GLB1: variants seen among roughly 807,000 people sequenced by gnomAD.
GLB1 encodes beta-galactosidase.
GLB1 carries 56 observed loss-of-function variants against 74.0 expected under a neutral mutation model. That is an observed-to-expected ratio of 0.76 (90% CI 0.61 to 0.94). The LOEUF (loss-of-function observed/expected upper bound fraction) is 0.94. Ranked by LOEUF, GLB1 falls within the 40% of genes least tolerant of loss-of-function variation. GLB1 has a pLI of 0.00. For missense variants in GLB1, 787 were observed against 845.5 expected (o/e 0.93, Z 0.86); for synonymous variants, 323 against 323.6 (o/e 1.00, Z 0.02).
At chr3:33,003,438 C>T (rs1273883508) in intron 15 of GLB1, among the ~76,000 whole-genome samples, 2 of 152,208 alleles carry the variant, frequency 1.3e-5, no homozygotes, top group Non-Finnish European at 2.9e-5. Flanking sequence ...GACCTTCTTT[C>T]ACTTCTAGCC....
chr3:33,040,534 C>T (rs1221177599), intron 10 of GLB1, among the ~76,000 whole-genome samples: 1 of 152,076 alleles, frequency 6.6e-6, no homozygotes, highest in African/African-American at 2.4e-5. Flanking sequence ...ATCACTTGAG[C>T]CCGGGAGGTT....
chr3:32,965,436 G>A, the GLB1 span, among the ~76,000 whole-genome samples: 1 of 152,096 alleles, frequency 6.6e-6, no homozygotes, highest in Admixed American at 6.5e-5. Flanking sequence ...TTTGCTCCTG[G>A]CCTAGAGATC....
At chr3:32,978,462 A>G in the GLB1 span, among the ~76,000 whole-genome samples, 1 of 152,184 alleles carries the variant, frequency 6.6e-6, no homozygotes, top group Non-Finnish European at 1.5e-5. Flanking sequence ...CTCCTGTAGC[A>G]GAGGGATTCA....
intron 1 of GLB1, among the ~76,000 whole-genome samples, chr3:33,078,313 G>C (rs1241224436): frequency 6.6e-6 from 1 of 152,172 alleles, no homozygotes; most frequent in African/African-American, 2.4e-5. Context: ...TAGTGAAATG[G>C]ATTTAAGCTA....
intron 2 of GLB1, among the ~76,000 whole-genome samples, chr3:33,072,098 C>A (rs766688850): frequency 6.6e-6 from 1 of 152,200 alleles, no homozygotes; most frequent in African/African-American, 2.4e-5. Flanking sequence ...TACAGCCATA[C>A]CTGTGCTACA....
intron 10 of GLB1, among the ~76,000 whole-genome samples, chr3:33,028,942 C>A (rs924427212): frequency 6.6e-6 from 1 of 152,150 alleles, no homozygotes; most frequent in Non-Finnish European, 1.5e-5. Flanking sequence ...GGATTACAGG[C>A]GTGAGCCACT....
chr3:33,003,833 C>T (rs939851102), intron 15 of GLB1, among the ~76,000 whole-genome samples: 11 of 152,112 alleles, frequency 7.2e-5, no homozygotes, highest in Non-Finnish European at 4.4e-5. Context: ...AGTTCCAGAC[C>T]AGCCTGGCCT....
Position 33,096,545 on chromosome 3 carries a change from C to T in GLB1, c.75+466G>A, listed in dbSNP as rs546628829. On this transcript the variant is annotated intron_variant, in intron 1 of 15. Transcript: ENST00000307363. ...GAGAGCACCCAGAGGGGAAATAACC[C>T]AATGTTCCCACTGCAAGGGCCTCTC... The T allele has an allele frequency of 4.2e-5, 41 of 984,836 alleles. No homozygotes were observed. The East Asian group carries it at 1.0e-3, about 25-fold the overall frequency. The allele number at this position is 984,836 out of a possible 1,614,324, so 61.0% of individuals were successfully genotyped here. A position where few individuals can be genotyped will look rare whatever the true frequency, so the allele number is the denominator to read the frequency against.
At chr3:33,024,213 C>T (rs1697632471) in intron 11 of GLB1, 38 bp downstream of exon 11, 3 of 1,577,678 alleles carry the variant, frequency 1.9e-6, no homozygotes, top group Non-Finnish European at 2.6e-6. Flanking sequence ...TCACTCCCAT[C>T]TCTCACTTTC....
intron 15 of GLB1, among the ~76,000 whole-genome samples, chr3:33,000,546 G>A (rs1696514749): frequency 6.6e-6 from 1 of 152,148 alleles, no homozygotes; most frequent in South Asian, 2.1e-4. Context: ...GGTCAATATG[G>A]TGAAACCCTG....
rs1699089793 is a variant in GLB1, at chr3:33,053,568, A to G, written c.734-19T>C. The G allele has an allele frequency of 1.2e-6, 2 of 1,614,014 alleles. No homozygotes were observed. Among genetic ancestry groups the G allele is most frequent in the African/African-American group, 1.3e-5 (1 of 74,918 alleles). ...TTGCTGCCTGAAAATTGTAAGAGGG[A>G]GAAGGTAGGTCAGTCGTGGAAATGA... On this transcript the variant is annotated intron_variant, in intron 6 of 15. Coordinates refer to ENST00000307363, the MANE Select transcript of GLB1 (RefSeq NM_000404.4).
chr3:32,994,920 CAAAAAAAAA>C (rs56169200), downstream of GLB1, among the ~76,000 whole-genome samples: 58 of 115,770 alleles, frequency 5.0e-4, no homozygotes, highest in African/African-American at 1.8e-3. Flanking sequence ...GACTCTGTTT[CAAAAAAAAA>C]AAAAAAAAAA....
intron 10 of GLB1, among the ~76,000 whole-genome samples, chr3:33,024,810 T>C (rs1697662814): frequency 6.6e-6 from 1 of 152,232 alleles, no homozygotes; most frequent in Non-Finnish European, 1.5e-5. Flanking sequence ...AAGGCCGTGA[T>C]GTATGCAATC....
chr3:33,038,364 T>A (rs1698372891), intron 10 of GLB1, among the ~76,000 whole-genome samples: 1 of 152,260 alleles, frequency 6.6e-6, no homozygotes, highest in Non-Finnish European at 1.5e-5. Flanking sequence ...CCTTTGTGTA[T>A]AGCAAATTCT....
In GLB1 at chr3:33,008,563, G is replaced by A. The variant is rs61259508; in HGVS notation, c.1734+5493C>T. On this transcript the variant is annotated intron_variant, in intron 15 of 15. Coordinates refer to ENST00000307363, the MANE Select transcript of GLB1 (RefSeq NM_000404.4). ...GAGAGTCAGGTGGCTTAAGGAGGGT[G>A]CTGAAGGTTGAAAAGGCCAGTGGGG... 1.8e-3 allele frequency among the ~76,000 whole-genome samples: 274 copies of A among 152,280 alleles called. 1 individual carries two copies. The highest frequency in any genetic ancestry group is 6.3e-3 in the African/African-American group (261 of 41,552).
the GLB1 span, among the ~76,000 whole-genome samples, chr3:32,985,653 G>C: frequency 6.6e-6 from 1 of 151,932 alleles, no homozygotes; most frequent in Non-Finnish European, 1.5e-5. Context: ...TGTGTGTTTA[G>C]TATTGATGCG....
intron 1 of GLB1, among the ~76,000 whole-genome samples, chr3:33,084,018 G>A (rs1251792437): frequency 1.3e-5 from 2 of 152,200 alleles, no homozygotes; most frequent in Admixed American, 6.5e-5. Context: ...TGCTGATTAT[G>A]TGAAGATGAT....
intron 15 of GLB1, among the ~76,000 whole-genome samples, chr3:33,011,651 A>AG (rs1427144548): frequency 6.6e-6 from 1 of 150,442 alleles, no homozygotes; most frequent in African/African-American, 2.4e-5. Flanking sequence ...AAAAAAAAAA[A>AG]AAAAAGAAAA....
At position 33,033,951 on chromosome 3, in the gene GLB1, C is replaced by T. The variant is rs572278710; in HGVS notation, c.1069-9626G>A. 7 of 554,444 alleles carry T rather than the reference C, an allele frequency of 1.3e-5. No homozygotes were observed. In the East Asian group the frequency reaches 3.3e-4, roughly 26 times the overall value. The allele number at this position is 554,444 out of a possible 1,614,324, so 34.3% of individuals were successfully genotyped here. On this transcript the variant is annotated intron_variant, in intron 10 of 15. Coordinates refer to ENST00000307363, the MANE Select transcript of GLB1 (RefSeq NM_000404.4). ...GACTACTATGGCACCCGCCTGGCAA[C>T]CTGCTCATCAGAAAAATCCGTCAAA... is the stretch of plus-strand genomic sequence containing the variant.
Sources: gnomAD v4.1 joint callset for allele counts (sites outside exome capture counted in the v4.1 genomes callset) on GRCh38, gnomAD v4.1.1 for gene constraint, MANE v1.5 for transcripts, NCBI Gene and HGNC (gene_info 2026-07-23, HGNC 2026-07-21) for gene names.